Variants in PRX observed in about 807,000 individuals in gnomAD.
PRX encodes the protein periaxin.
PRX carries 24 observed loss-of-function variants against 29.6 expected under a neutral mutation model. The observed-to-expected ratio is 0.81, with a 90% CI of 0.59 to 1.14. The LOEUF (loss-of-function observed/expected upper bound fraction) is 1.14, where lower values mean the gene tolerates loss of function less well. Ranked by LOEUF, PRX falls within the 50% of genes most tolerant of loss-of-function variation. The pLI is 0.00. For synonymous variants in PRX, 772 were observed against 831.7 expected (o/e 0.93, Z 1.24); for missense variants, 1,838 against 1,926.4 (o/e 0.95, Z 0.86).
chr19:40,397,194 C>T lies in PRX; in HGVS notation c.1158G>A (p.Val386=). 7 of 1,614,054 alleles carry T rather than the reference C, an allele frequency of 4.3e-6. No individual in the cohort carries two copies. Among genetic ancestry groups the T allele is most frequent in the Non-Finnish European group, 5.9e-6 (7 of 1,180,026 alleles). Residue 386 remains valine (V), a synonymous_variant, in exon 7 of 7, where the codon GTG becomes GTA. Coordinates refer to ENST00000324001, the MANE Select transcript of PRX (RefSeq NM_181882.3). ...KVAKVSPEAR[V]KGPRLRMPTF... ...TGGGCATTCGAAGTCTGGGACCTTT[C>T]ACCCTGGCCTCAGGGCTGACCTTGG...
intron 1 of PRX, 21 bp downstream of exon 1, chr19:40,413,317 A>T (rs2079567393): frequency 6.6e-6 from 1 of 152,086 alleles, no homozygotes; most frequent in Admixed American, 6.6e-5. Context: ...CAGGGAAGGG[A>T]CCGGCCGGCT....
In PRX at chr19:40,397,742, C is replaced by G; in HGVS notation, c.610G>C (p.Ala204Pro). ...GGAGCGGCGGCGGCCAGCCGGGCTG[C>G]CTGAGCCTCTTCGGCCACTTCTCGT... The part of the protein sequence containing the change: ...RVREVAEEAQ[A>P]ARLAAAAPPP... Residue 204 changes from alanine to proline, a missense_variant, in exon 7 of 7, where the codon GCA becomes CCA. Around this residue, in one of 3 missense-constraint regions of PRX, gnomAD observed 666 missense variants for 665.0 expected, o/e 1.00. Coordinates refer to ENST00000324001, the MANE Select transcript of PRX (RefSeq NM_181882.3). 2 of 1,563,872 alleles carry G rather than the reference C, an allele frequency of 1.3e-6. No homozygotes were observed. The highest frequency in any genetic ancestry group is 1.7e-6 in the Non-Finnish European group (2 of 1,156,314).
At position 40,394,376 on chromosome 19, in the gene PRX, C is replaced by T. The variant is rs2079408617; in HGVS notation, c.3976G>A (p.Ala1326Thr). 3 of 1,602,242 alleles carry T rather than the reference C, an allele frequency of 1.9e-6. No homozygotes were observed. The highest frequency in any genetic ancestry group is 2.6e-6 in the Non-Finnish European group (3 of 1,174,176). The change falls in exon 7 of 7, where the codon GCC becomes ACC. Residue 1326 changes from alanine to threonine, a missense_variant. Physicochemically the swap from Ala to Thr is moderately conservative, Grantham distance 58. Transcript: ENST00000324001. This position sits in a 1 kb window ranked among gnomAD's most constrained non-coding sequence, Gnocchi z 5.8. ...GGCAGCCTGAGTTTGGGGCTCTTGG[C>T]CTTCTCACCCTCCTCGGCCCCCTCC... ...AKEGAEEGEK[A>T]KSPKLRLPRV...
In PRX at chr19:40,396,984, G is replaced by T. The variant is rs563970195; in HGVS notation, c.1368C>A (p.Pro456=). ...KAPEVKLPKV[P]EAALPEVRLP... is the part of the protein sequence containing the mutation. ...GTCGAACCTCTGGAAGGGCTGCCTC[G>T]GGCACTTTTGGAAGCTTGACCTCAG... The change falls in exon 7 of 7, where the codon CCC becomes CCA. Residue 456 remains proline (P), a synonymous_variant. Coordinates refer to ENST00000324001, the MANE Select transcript of PRX (RefSeq NM_181882.3). 1 of 1,613,892 alleles carries T rather than the reference G, an allele frequency of 6.2e-7. No homozygotes were observed. Among genetic ancestry groups the T allele is most frequent in the African/African-American group, 1.3e-5 (1 of 74,854 alleles).
chr19:40,409,464 T>TATTATTATA (rs1435381203), intron 1 of PRX, among the ~76,000 whole-genome samples: 1 of 147,542 alleles, frequency 6.8e-6, no homozygotes, highest in Non-Finnish European at 1.5e-5. Context: ...TTATTATTAT[T>TATTATTATA]ATTATTATTA....
At chr19:40,414,018 G>A (rs1265223099), upstream of PRX, among the ~76,000 whole-genome samples, 5 of 152,174 alleles carry the variant, frequency 3.3e-5, no homozygotes, top group African/African-American at 1.2e-4. Flanking sequence ...CCAGTTCTCT[G>A]TCTAATGGAG....
In PRX at chr19:40,395,404, G is replaced by A. The variant is rs762456536; in HGVS notation, c.2948C>T (p.Ala983Val). 4.3e-6 allele frequency: 7 copies of A among 1,613,826 alleles called. No individual in the cohort carries two copies. The East Asian group carries it at 1.3e-4, about 31-fold the overall frequency. ...AEAEAKGAGEAGLLPALDLSI... is the reference protein window; with the variant it reads ...AEAEAKGAGEVGLLPALDLSI... The stretch of plus-strand genomic sequence containing the variant: ...CAGATCGAGGGCAGGCAGCAGGCCT[G>A]CCTCCCCAGCCCCTTTGGCCTCAGC... Residue 983 changes from alanine (A) to valine (V), a missense_variant, in exon 7 of 7, where the codon GCA becomes GTA. Ala to Val is a moderately conservative substitution (Grantham distance 64). Around this residue, in one of 3 missense-constraint regions of PRX, gnomAD observed 1,143 missense variants for 1,193.0 expected, o/e 0.96. Transcript: ENST00000324001.
Position 40,396,472 on chromosome 19 carries a change from G to C in PRX, c.1880C>G (p.Pro627Arg). 1 of 1,608,658 alleles carries C rather than the reference G, an allele frequency of 6.2e-7. No individual in the cohort carries two copies. The highest frequency in any genetic ancestry group is 1.1e-5 in the South Asian group (1 of 90,766). ...TTTCATCTCAGGGAGCTTCATCTCT[G>C]GGACTTTTGGAAGCTGCACTTCTGG... ...HLPEVQLPKV[P>R]EMKLPEMKLP... The change falls in exon 7 of 7, where the codon CCA becomes CGA. Residue 627 changes from proline to arginine, a missense_variant. Pro to Arg is a moderately radical substitution (Grantham distance 103, BLOSUM62 -2). Coordinates refer to ENST00000324001, the MANE Select transcript of PRX (RefSeq NM_181882.3).
At chr19:40,411,994 G>T (rs1390868109) in intron 1 of PRX, among the ~76,000 whole-genome samples, 1 of 152,200 alleles carries the variant, frequency 6.6e-6, no homozygotes, top group Non-Finnish European at 1.5e-5. Context: ...CCCTGGAGTG[G>T]GTACAACTGA....
chr19:40,399,323 C>T (rs1294726036), intron 5 of PRX, among the ~76,000 whole-genome samples: 1 of 152,208 alleles, frequency 6.6e-6, no homozygotes, highest in Non-Finnish European at 1.5e-5. Flanking sequence ...TTCCCATCAG[C>T]ATACAAACAT....
At position 40,398,363 on chromosome 19, in the gene PRX, C is replaced by A. The variant is rs2079462347; in HGVS notation, c.381+257G>T. 5.6e-6 allele frequency: 8 copies of A among 1,434,762 alleles called. No individual in the cohort carries two copies. Among genetic ancestry groups the A allele is most frequent in the Non-Finnish European group, 7.3e-6 (8 of 1,099,472 alleles). 88.9% of individuals were successfully genotyped at this position (1,434,762 alleles called of 1,614,324 possible). A position where few individuals can be genotyped will look rare whatever the true frequency, so the allele number is the denominator to read the frequency against. On this transcript the variant is annotated intron_variant, in intron 6 of 6. Transcript: ENST00000324001. This position sits in a 1 kb window ranked among gnomAD's most constrained non-coding sequence, Gnocchi z 6.3. Reference sequence around the variant, plus strand: ...TTTCCTGGTTCGAAGTAGCCTGGTTCAGGACCCCTAGCAAGCCTGGATCCG... The same window carrying A: ...TTTCCTGGTTCGAAGTAGCCTGGTTAAGGACCCCTAGCAAGCCTGGATCCG...
chr19:40,414,040 G>T (rs2145751968), upstream of PRX, among the ~76,000 whole-genome samples: 1 of 152,236 alleles, frequency 6.6e-6, no homozygotes, highest in South Asian at 2.1e-4. Flanking sequence ...TACTGTTTAG[G>T]GGGACACCTA....
chr19:40,407,863 C>G lies in PRX; in HGVS notation c.27+43G>C, dbSNP rs537322415. On this transcript the variant is annotated intron_variant, in intron 4 of 6. Transcript: ENST00000324001. Reference sequence around the variant, plus strand: ...CCTTGCTGCCCTAGTCTGTGCCTCCCCATTGCCCTCAAGTGCGCCTTGCAG... The same window carrying G: ...CCTTGCTGCCCTAGTCTGTGCCTCCGCATTGCCCTCAAGTGCGCCTTGCAG... The G allele has an allele frequency of 3.1e-6, 5 of 1,611,532 alleles. No individual in the cohort carries two copies. In the African/African-American group the frequency reaches 6.7e-5, roughly 21 times the overall value.
In PRX at chr19:40,407,252, G is replaced by GTTTAGA. The variant is rs1217751720; in HGVS notation, c.27+648_27+653dup. ...TGTGTGTGTGTGTGTGTGTGTGTGT[G>GTTTAGA]TTTAGACAGGGTCTTTTTTTTTTTT... On this transcript the variant is annotated intron_variant, in intron 4 of 6. Coordinates refer to ENST00000324001, the MANE Select transcript of PRX (RefSeq NM_181882.3). Among the ~76,000 whole-genome samples, 24 of 128,690 alleles carry GTTTAGA rather than the reference G, an allele frequency of 1.9e-4. 1 individual carries two copies. Among genetic ancestry groups the GTTTAGA allele is most frequent in the Non-Finnish European group, 3.7e-4 (22 of 58,670 alleles). The allele number at this position is 128,690 out of a possible 152,430, so 84.4% of individuals were successfully genotyped here. A position where few individuals can be genotyped will look rare whatever the true frequency, so the allele number is the denominator to read the frequency against.
intron 4 of PRX, among the ~76,000 whole-genome samples, chr19:40,406,500 C>T (rs2145744230): frequency 6.6e-6 from 1 of 152,248 alleles, no homozygotes. Flanking sequence ...TGGGCCTCAA[C>T]CTTAGGTCTG....
At position 40,398,865 on chromosome 19, in the gene PRX, C is replaced by G; in HGVS notation, c.185-49G>C. The G allele has an allele frequency of 1.2e-6, 2 of 1,612,878 alleles. No individual in the cohort carries two copies. Among genetic ancestry groups the G allele is most frequent in the Non-Finnish European group, 1.7e-6 (2 of 1,179,722 alleles). On this transcript the variant is annotated intron_variant, in intron 5 of 6. Coordinates refer to ENST00000324001, the MANE Select transcript of PRX (RefSeq NM_181882.3). This position sits in a 1 kb window ranked among gnomAD's most constrained non-coding sequence, Gnocchi z 6.3. ...AGCACGTGGGCATCTCCCGGCTCCG[C>G]CCGGGCCTAGTTCTGCCCACTTGCA...
Position 40,395,078 on chromosome 19 carries a change from C to T in PRX, c.3274G>A (p.Val1092Met). The T allele has an allele frequency of 2.5e-6, 4 of 1,613,444 alleles. No individual in the cohort carries two copies. The East Asian group carries it at 8.9e-5, about 36-fold the overall frequency. ...SPGEKAESTA[V>M]QLKIPEVELV... ...TCCACCTCGGGGATCTTAAGCTGCACAGCGGTGGACTCAGCCTTTTCCCCC... is the reference window on the plus strand; with the variant it reads ...TCCACCTCGGGGATCTTAAGCTGCATAGCGGTGGACTCAGCCTTTTCCCCC... The change falls in exon 7 of 7, where the codon GTG becomes ATG. Residue 1092 changes from valine to methionine, a missense_variant. Physicochemically the swap from Val to Met is conservative, Grantham distance 21. This residue lies in a region of PRX where 1,143 missense variants were observed against 1,193.0 expected (regional missense o/e 0.96). Coordinates refer to ENST00000324001, the MANE Select transcript of PRX (RefSeq NM_181882.3).
intron 4 of PRX, among the ~76,000 whole-genome samples, chr19:40,404,424 T>TGGGGGGGGGGGGGGGGGGGGGGGG (rs71171571): frequency 1.5e-5 from 1 of 65,402 alleles, no homozygotes. Flanking sequence ...AGGGCGGGGC[T>TGGGGGGGGGGGGGGGGGGGGGGGG]GGGGGGGGTT....
At chr19:40,404,223 C>T (rs1364319130) in intron 4 of PRX, among the ~76,000 whole-genome samples, 5 of 152,196 alleles carry the variant, frequency 3.3e-5, no homozygotes, top group African/African-American at 1.2e-4. Context: ...AGCTGGCTTT[C>T]TAGGACCCGC....
Sources: gnomAD v4.1 joint callset for allele counts (sites outside exome capture counted in the v4.1 genomes callset) on GRCh38, gnomAD v4.1.1 for gene constraint, gnomAD v4.1.1 regional missense constraint, Gnocchi (gnomAD v3.1) non-coding constraint, MANE v1.5 for transcripts, NCBI Gene and HGNC (gene_info 2026-07-23, HGNC 2026-07-21) for gene names.